CAPN7: variants seen among roughly 807,000 people sequenced by gnomAD.
The protein encoded by CAPN7 is calpain 7, also known as calpain-7.
Under a neutral mutation model 115.2 loss-of-function variants are expected in CAPN7, and 72 were observed. The observed-to-expected ratio is 0.63, with a 90% CI of 0.52 to 0.76. The LOEUF (loss-of-function observed/expected upper bound fraction) is 0.76, where lower values mean the gene tolerates loss of function less well. CAPN7 is among the 30% of genes least tolerant of loss of function. CAPN7 has a pLI of 0.00. For missense variants in CAPN7, 905 were observed against 971.5 expected, an observed-to-expected ratio of 0.93 and a Z score of 0.91; for synonymous variants, 344 against 322.3, an observed-to-expected ratio of 1.07 and a Z score of -0.72.
In CAPN7 at chr3:15,245,638, T is replaced by C; in HGVS notation, c.1977T>C (p.Tyr659=). ...THTFTLVVSQ[Y]EKQNTIHYTV... ...CCTTTACATTAGTGGTTTCTCAATATGAAAAACAGAACACAATCCATTACA... is the reference window on the plus strand; with the variant it reads ...CCTTTACATTAGTGGTTTCTCAATACGAAAAACAGAACACAATCCATTACA... The change falls in exon 17 of 21, where the codon TAT becomes TAC. Residue 659 remains tyrosine (Y), a synonymous_variant. Coordinates refer to ENST00000253693, the MANE Select transcript of CAPN7 (RefSeq NM_014296.3). The C allele has an allele frequency of 2.5e-6, 4 of 1,613,812 alleles. No individual in the cohort carries two copies. The highest frequency in any genetic ancestry group is 3.4e-6 in the Non-Finnish European group (4 of 1,179,896).
intron 8 of CAPN7, among the ~76,000 whole-genome samples, chr3:15,229,571 T>TC (rs1230956966): frequency 2.2e-5 from 3 of 133,440 alleles, no homozygotes; most frequent in African/African-American, 9.1e-5. Flanking sequence ...CTTTTTTTTT[T>TC]TTTTTTTTTT....
rs761813119 is a variant in CAPN7 at position 15,220,867 on chromosome 3, C to T, written c.524C>T (p.Ala175Val). ...AAGCCAAAGCCACCTCCAGTGAGAG[C>T]ACATTTTCCACTGGGCGCTAATCCC... Reference protein sequence around the residue: ...SVKPKPPPVRAHFPLGANPFL... With the variant: ...SVKPKPPPVRVHFPLGANPFL... The change falls in exon 5 of 21, where the codon GCA becomes GTA. Residue 175 changes from alanine (A) to valine (V), a missense_variant. This residue lies in a region of CAPN7 where 271 missense variants were observed against 239.6 expected (regional missense o/e 1.13). Coordinates refer to ENST00000253693, the MANE Select transcript of CAPN7 (RefSeq NM_014296.3). The T allele has an allele frequency of 1.7e-5, 28 of 1,613,964 alleles. No individual in the cohort carries two copies. Among genetic ancestry groups the T allele is most frequent in the Non-Finnish European group, 2.4e-5 (28 of 1,179,916 alleles).
intron 19 of CAPN7, among the ~76,000 whole-genome samples, chr3:15,250,335 A>G (rs1257279517): frequency 6.6e-6 from 1 of 151,928 alleles, no homozygotes; most frequent in African/African-American, 2.4e-5. Flanking sequence ...TGATTGCTCC[A>G]CTGTACTCCA....
chr3:15,231,212 C>T (rs1364061064), intron 9 of CAPN7, among the ~76,000 whole-genome samples: 3 of 152,166 alleles, frequency 2.0e-5, no homozygotes, highest in Admixed American at 6.5e-5. Flanking sequence ...TTTTAGTATG[C>T]ACAGAATCAC....
chr3:15,248,555 A>G (rs1368168615), intron 19 of CAPN7, among the ~76,000 whole-genome samples: 1 of 152,246 alleles, frequency 6.6e-6, no homozygotes, highest in Non-Finnish European at 1.5e-5. Context: ...GCAATTAGGA[A>G]TATACAGGGA....
At chr3:15,234,299 A>G (rs1694864428) in intron 11 of CAPN7, among the ~76,000 whole-genome samples, 1 of 152,188 alleles carries the variant, frequency 6.6e-6, no homozygotes, top group Non-Finnish European at 1.5e-5. Context: ...CTGGGCAACA[A>G]GAGCAAAACT....
intron 9 of CAPN7, among the ~76,000 whole-genome samples, chr3:15,231,719 A>G (rs1694699267): frequency 2.0e-5 from 3 of 152,006 alleles, no homozygotes; most frequent in South Asian, 2.1e-4. Flanking sequence ...TAGTGGAGAC[A>G]GAGTTTCACC....
At chr3:15,241,250 A>T (rs1695329863) in intron 14 of CAPN7, among the ~76,000 whole-genome samples, 1 of 152,172 alleles carries the variant, frequency 6.6e-6, no homozygotes, top group Non-Finnish European at 1.5e-5. Context: ...GAAGACTAGC[A>T]TTCCATCTTT....
intron 16 of CAPN7, among the ~76,000 whole-genome samples, chr3:15,243,453 A>C (rs1695470308): frequency 6.6e-6 from 1 of 152,092 alleles, no homozygotes; most frequent in Non-Finnish European, 1.5e-5. Context: ...ATATAGATGG[A>C]GTTTGAAGAT....
At chr3:15,207,477 C>T (rs542282725) in intron 1 of CAPN7, among the ~76,000 whole-genome samples, 21 of 152,204 alleles carry the variant, frequency 1.4e-4, no homozygotes, top group African/African-American at 4.1e-4. Context: ...TTTTTTTAAT[C>T]TTTCTTCAGT....
intron 2 of CAPN7, among the ~76,000 whole-genome samples, chr3:15,215,687 G>C (rs544056385): frequency 6.6e-6 from 1 of 152,310 alleles, no homozygotes; most frequent in African/African-American, 2.4e-5. Context: ...TTTTATGGCT[G>C]AGTAATATTT....
chr3:15,217,103 C>G (rs1011444403), intron 2 of CAPN7, among the ~76,000 whole-genome samples: 1 of 151,548 alleles, frequency 6.6e-6, no homozygotes, highest in Non-Finnish European at 1.5e-5. Context: ...AAAAATTAGC[C>G]AGGCATGGTG....
In CAPN7 at chr3:15,206,553, C is replaced by G; in HGVS notation, c.58C>G (p.Arg20Gly). 1 of 1,555,684 alleles carries G rather than the reference C, an allele frequency of 6.4e-7. No individual in the cohort carries two copies. The highest frequency in any genetic ancestry group is 8.7e-7 in the Non-Finnish European group (1 of 1,150,004). ...GCAGTTCGCCCGTCTGGCGGTTCAG[C>G]GCGACCACGAAGGCCGCTACTCCGA... ...AVQFARLAVQ[R>G]DHEGRYSEAV... is the part of the protein sequence containing the mutation. The change falls in exon 1 of 21, where the codon CGC (arginine) becomes GGC (glycine). Residue 20 changes from arginine (R) to glycine (G), a missense_variant. Around this residue, in one of 3 missense-constraint regions of CAPN7, gnomAD observed 271 missense variants for 239.6 expected, o/e 1.13. Coordinates refer to ENST00000253693, the MANE Select transcript of CAPN7 (RefSeq NM_014296.3).
intron 2 of CAPN7, among the ~76,000 whole-genome samples, chr3:15,213,901 G>T (rs913076075): frequency 1.4e-5 from 2 of 148,018 alleles, no homozygotes; most frequent in Non-Finnish European, 3.0e-5. Context: ...TTTTTTTGAG[G>T]TGGAGTCTCG....
chr3:15,248,602 A>G (rs11925420), intron 19 of CAPN7, among the ~76,000 whole-genome samples: 17,934 of 152,210 alleles, frequency 0.12, 3,517 homozygotes, highest in African/African-American at 0.4. Flanking sequence ...GATCTGGGTG[A>G]TGGTTACCCA....
intron 16 of CAPN7, among the ~76,000 whole-genome samples, chr3:15,243,580 G>C (rs1695480078): frequency 6.6e-6 from 1 of 152,132 alleles, no homozygotes; most frequent in Non-Finnish European, 1.5e-5. Flanking sequence ...TACCACAAAA[G>C]AATTTGAACA....
intron 1 of CAPN7, among the ~76,000 whole-genome samples, chr3:15,208,964 G>T (rs1354178829): frequency 6.6e-6 from 1 of 152,114 alleles, no homozygotes; most frequent in Non-Finnish European, 1.5e-5. Flanking sequence ...TGTCAATAAA[G>T]TGTGGTTTGT....
chr3:15,237,553 C>T (rs1426161299), intron 12 of CAPN7, among the ~76,000 whole-genome samples: 1 of 152,084 alleles, frequency 6.6e-6, no homozygotes, highest in Non-Finnish European at 1.5e-5. Flanking sequence ...TATAGAATTG[C>T]TTCTTTAAAA....
intron 6 of CAPN7, among the ~76,000 whole-genome samples, chr3:15,224,485 C>G (rs1196738876): frequency 6.6e-6 from 1 of 151,922 alleles, no homozygotes; most frequent in East Asian, 1.9e-4. Flanking sequence ...TTTGGCCAGG[C>G]TGGTCTTGCA....
Sources: gnomAD v4.1 joint callset for allele counts (sites outside exome capture counted in the v4.1 genomes callset) on GRCh38, gnomAD v4.1.1 for gene constraint, gnomAD v4.1.1 regional missense constraint, MANE v1.5 for transcripts, NCBI Gene and HGNC (gene_info 2026-07-23, HGNC 2026-07-21) for gene names.